ADAMTSL1: variants seen among roughly 807,000 people sequenced by gnomAD.
ADAMTSL1 encodes the protein ADAMTS-like protein 1.
ADAMTSL1 carries 126 observed loss-of-function variants against 201.8 expected under a neutral mutation model. That is an observed-to-expected ratio of 0.62 (90% CI 0.54 to 0.72). The LOEUF (loss-of-function observed/expected upper bound fraction) is 0.72, where lower values mean the gene tolerates loss of function less well. ADAMTSL1 is among the 30% of genes least tolerant of loss of function. The probability of loss-of-function intolerance (pLI) is 0.00; values close to 1 mark genes in which losing one functional copy is unlikely to be tolerated. For missense variants in ADAMTSL1, 2,679 were observed against 2,277.8 expected, an observed-to-expected ratio of 1.18 and a Z score of -3.59; for synonymous variants, 1,121 against 903.4, an observed-to-expected ratio of 1.24 and a Z score of -4.32.
intron 13 of ADAMTSL1, among the ~76,000 whole-genome samples, chr9:18,686,696 C>T (rs1028292881): frequency 7.9e-5 from 12 of 152,114 alleles, no homozygotes; most frequent in African/African-American, 2.7e-4. Context: ...TATAATCTTG[C>T]GTTCTGGCTG....
intron 23 of ADAMTSL1, among the ~76,000 whole-genome samples, chr9:18,865,735 A>G (rs1182770462): frequency 6.6e-6 from 1 of 152,118 alleles, no homozygotes; most frequent in African/African-American, 2.4e-5. Flanking sequence ...TCAGTGGTTA[A>G]GAAGGGTTGA....
intron 1 of ADAMTSL1, among the ~76,000 whole-genome samples, chr9:17,941,279 A>G (rs1321555826): frequency 6.6e-6 from 1 of 152,040 alleles, no homozygotes; most frequent in Non-Finnish European, 1.5e-5. Context: ...GGAAACTTCT[A>G]ATTTACCCAA....
chr9:18,013,517 T>G (rs1487931280), intron 1 of ADAMTSL1, among the ~76,000 whole-genome samples: 1 of 151,996 alleles, frequency 6.6e-6, no homozygotes, highest in East Asian at 1.9e-4. Context: ...TTTCTAATGG[T>G]AAATAGCCAA....
chr9:18,563,933 C>G (rs543269376), intron 3 of ADAMTSL1, among the ~76,000 whole-genome samples: 2 of 152,194 alleles, frequency 1.3e-5, no homozygotes, highest in Non-Finnish European at 2.9e-5. Flanking sequence ...GCCAGTGGAT[C>G]TTAGCTTGCT....
At chr9:18,074,565 T>TC (rs386414572) in intron 1 of ADAMTSL1, among the ~76,000 whole-genome samples, 3 of 150,840 alleles carry the variant, frequency 2.0e-5, no homozygotes, top group Non-Finnish European at 3.0e-5. Context: ...TCTTTTCTTT[T>TC]TTTTTTCTTC....
chr9:18,639,187 G>T (rs1827287809), intron 6 of ADAMTSL1, 67 bp from the exon 7 acceptor site: 2 of 1,497,774 alleles, frequency 1.3e-6, no homozygotes, highest in East Asian at 2.3e-5. Context: ...ATTGTTGCAT[G>T]AAATGTGCTT....
chr9:18,851,600 C>A (rs991344201), intron 23 of ADAMTSL1, among the ~76,000 whole-genome samples: 2 of 152,176 alleles, frequency 1.3e-5, no homozygotes, highest in African/African-American at 4.8e-5. Context: ...CTTAAGAGAT[C>A]CAAGTGCTCT....
chr9:18,334,086 A>C (rs971787327), intron 2 of ADAMTSL1, among the ~76,000 whole-genome samples: 2 of 152,186 alleles, frequency 1.3e-5, no homozygotes, highest in Non-Finnish European at 2.9e-5. Flanking sequence ...AGTTTGGACA[A>C]GTTAGTGTAG....
intron 2 of ADAMTSL1, among the ~76,000 whole-genome samples, chr9:18,211,151 C>G (rs1377150622): frequency 1.3e-5 from 2 of 152,122 alleles, no homozygotes; most frequent in African/African-American, 4.8e-5. Context: ...TTTTCTATCT[C>G]CTTTTCCCAA....
chr9:18,734,082 T>C (rs1446505226), intron 15 of ADAMTSL1, among the ~76,000 whole-genome samples: 1 of 152,192 alleles, frequency 6.6e-6, no homozygotes, highest in Non-Finnish European at 1.5e-5. Context: ...GCTGCCTCTT[T>C]GGCCTTGGGC....
At chr9:18,396,827 C>G (rs538093871) in intron 2 of ADAMTSL1, among the ~76,000 whole-genome samples, 12 of 152,260 alleles carry the variant, frequency 7.9e-5, no homozygotes, top group African/African-American at 2.9e-4. Flanking sequence ...GATCATGCCA[C>G]TGCACTTCAG....
intron 2 of ADAMTSL1, among the ~76,000 whole-genome samples, chr9:18,287,407 A>T (rs1336547130): frequency 1.3e-5 from 2 of 151,812 alleles, no homozygotes; most frequent in East Asian, 3.9e-4. Context: ...GCACATACAC[A>T]TATATTTATA....
chr9:18,125,474 G>C (rs921665247), intron 1 of ADAMTSL1, among the ~76,000 whole-genome samples: 1 of 152,046 alleles, frequency 6.6e-6, no homozygotes, highest in Non-Finnish European at 1.5e-5. Context: ...TTATGCTTTT[G>C]CTGTCATATC....
intron 13 of ADAMTSL1, among the ~76,000 whole-genome samples, chr9:18,702,381 T>C (rs972109727): frequency 3.3e-5 from 5 of 152,250 alleles, no homozygotes; most frequent in African/African-American, 9.6e-5. Context: ...AGTATATTAA[T>C]AAAGTGATTA....
intron 1 of ADAMTSL1, among the ~76,000 whole-genome samples, chr9:18,014,411 A>G (rs1820171776): frequency 6.6e-6 from 1 of 152,076 alleles, no homozygotes; most frequent in Admixed American, 6.6e-5. Context: ...GTTTTTGTTC[A>G]CTAACAGAAT....
intron 1 of ADAMTSL1, among the ~76,000 whole-genome samples, chr9:17,949,055 G>A (rs771617392): frequency 1.3e-5 from 2 of 152,182 alleles, no homozygotes; most frequent in Non-Finnish European, 2.9e-5. Flanking sequence ...GGCCATTCCA[G>A]TATCTGAAAA....
At chr9:18,439,408 C>A (rs1206070121) in intron 2 of ADAMTSL1, among the ~76,000 whole-genome samples, 1 of 152,176 alleles carries the variant, frequency 6.6e-6, no homozygotes, top group Non-Finnish European at 1.5e-5. Context: ...GCTCTGCCGC[C>A]CAGGCTGGAA....
intron 3 of ADAMTSL1, among the ~76,000 whole-genome samples, chr9:18,555,996 A>T (rs901491796): frequency 6.7e-6 from 1 of 149,548 alleles, no homozygotes; most frequent in Non-Finnish European, 1.5e-5. Flanking sequence ...AAAGTATAAT[A>T]AAAAAAATAC....
intron 1 of ADAMTSL1, among the ~76,000 whole-genome samples, chr9:17,961,496 C>A (rs1443239090): frequency 6.6e-6 from 1 of 152,166 alleles, no homozygotes; most frequent in Non-Finnish European, 1.5e-5. Flanking sequence ...GGTGATCTGC[C>A]TGCCTCAGCC....
Sources: gnomAD v4.1 joint callset for allele counts (sites outside exome capture counted in the v4.1 genomes callset) on GRCh38, gnomAD v4.1.1 for gene constraint, MANE v1.5 for transcripts, NCBI Gene and HGNC (gene_info 2026-07-23, HGNC 2026-07-21) for gene names.